The following COX10 variants were observed in gnomAD, a reference collection of about 807,000 sequenced individuals.
COX10 encodes protoheme IX farnesyltransferase, mitochondrial.
A neutral mutation model predicts 37.3 loss-of-function variants in COX10; 27 were observed. The observed-to-expected ratio is 0.72, with a 90% CI of 0.53 to 1.00. The LOEUF (loss-of-function observed/expected upper bound fraction) is 1.00, where lower values mean the gene tolerates loss of function less well. Ranked by LOEUF, COX10 falls within the 50% of genes least tolerant of loss-of-function variation. The probability of loss-of-function intolerance (pLI) is 0.00; values close to 1 mark genes in which losing one functional copy is unlikely to be tolerated. For missense variants in COX10, 475 were observed against 563.2 expected (o/e 0.84, Z 1.59); for synonymous variants, 222 against 229.1 (o/e 0.97, Z 0.28).
At chr17:14,102,305 C>T in intron 4 of COX10, 63 bp downstream of exon 4, 2 of 1,595,090 alleles carry the variant, frequency 1.3e-6, no homozygotes, top group Non-Finnish European at 1.7e-6. Flanking sequence ...GCTGTATTGT[C>T]ATATTTTTAA....
chr17:14,146,153 A>G (rs1904709427), intron 4 of COX10, among the ~76,000 whole-genome samples: 1 of 152,148 alleles, frequency 6.6e-6, no homozygotes, highest in African/African-American at 2.4e-5. Context: ...GACCCAGGAT[A>G]GCCAAAGATG....
rs564664594 is a variant in COX10 at position 14,134,642 on chromosome 17, C to T, written c.625-25235C>T. 8.6e-5 allele frequency among the ~76,000 whole-genome samples: 13 copies of T among 151,808 alleles called. 1 individual carries two copies. In the South Asian group the frequency reaches 2.7e-3, roughly 31 times the overall value. ...AAGAATATGTGTGGTGTAACACACT[C>T]TTGGAGAGGATTTCAAAAGTAATTA... On this transcript the variant is annotated intron_variant, in intron 4 of 6. Transcript: ENST00000261643.
chr17:14,100,599 A>C (rs1381844383), intron 3 of COX10, among the ~76,000 whole-genome samples: 1 of 152,208 alleles, frequency 6.6e-6, no homozygotes, highest in Non-Finnish European at 1.5e-5. Context: ...AAGAGCTTGG[A>C]ATGCTCAAAG....
chr17:14,134,437 A>G (rs1916533309), intron 4 of COX10, among the ~76,000 whole-genome samples: 1 of 151,858 alleles, frequency 6.6e-6, no homozygotes, highest in Non-Finnish European at 1.5e-5. Flanking sequence ...CTGAGTTCTT[A>G]CAAGTATTTT....
At chr17:14,102,881 A>G (rs774569560) in intron 4 of COX10, among the ~76,000 whole-genome samples, 13 of 152,124 alleles carry the variant, frequency 8.5e-5, no homozygotes, top group Non-Finnish European at 1.8e-4. Flanking sequence ...TTTGGCCAAA[A>G]CTTAAGGAAA....
At chr17:14,097,837 A>G (rs1179242869) in intron 3 of COX10, among the ~76,000 whole-genome samples, 1 of 152,160 alleles carries the variant, frequency 6.6e-6, no homozygotes, top group East Asian at 1.9e-4. Context: ...TTAAAGTATA[A>G]TACATCGTCC....
chr17:14,097,234 G>A (rs1050625954), intron 3 of COX10, among the ~76,000 whole-genome samples: 2 of 151,824 alleles, frequency 1.3e-5, no homozygotes, highest in Non-Finnish European at 2.9e-5. Context: ...AATTTTACTC[G>A]TACAATTTAT....
chr17:14,174,112 C>G (rs1419667597), intron 5 of COX10, among the ~76,000 whole-genome samples: 7 of 151,466 alleles, frequency 4.6e-5, no homozygotes, highest in Non-Finnish European at 1.0e-4. Flanking sequence ...ATGAAGAACT[C>G]ATGTACAGAA....
intron 4 of COX10, among the ~76,000 whole-genome samples, chr17:14,122,807 T>TA (rs1916258371): frequency 2.6e-5 from 4 of 152,210 alleles, no homozygotes; most frequent in Non-Finnish European, 4.4e-5. Flanking sequence ...ATTAAATTAA[T>TA]CTTTTATAAT....
chr17:14,186,973 T>A (rs183178166), intron 5 of COX10, among the ~76,000 whole-genome samples: 117 of 121,198 alleles, frequency 9.7e-4, no homozygotes, highest in Admixed American at 2.7e-3. Context: ...AGTAAACTTG[T>A]CTTATTTTAA....
intron 5 of COX10, among the ~76,000 whole-genome samples, chr17:14,176,651 G>A (rs2856136): frequency 0.58 from 87,263 of 151,584 alleles, 25,520 homozygotes; most frequent in East Asian, 0.62. Flanking sequence ...ATGAGTTCAG[G>A]GGATTTTAAA....
chr17:14,069,613 C>T lies in COX10; in HGVS notation c.8C>T (p.Ala3Val). Reference protein sequence around the residue: MAASPHTLSSRLL... With the variant: MAVSPHTLSSRLL... ...GCCCCAGACTCGTAAATTATGGCCG[C>T]ATCTCCGCACACTCTCTCCTCACGC... Residue 3 changes from alanine (A) to valine (V), a missense_variant, in exon 1 of 7, where the codon GCA becomes GTA. Around this residue, in one of 5 missense-constraint regions of COX10, gnomAD observed 242 missense variants for 242.5 expected, o/e 1.00. Transcript: ENST00000261643. 1 of 1,614,114 alleles carries T rather than the reference C, an allele frequency of 6.2e-7. No homozygotes were observed. Among genetic ancestry groups the T allele is most frequent in the Non-Finnish European group, 8.5e-7 (1 of 1,180,014 alleles).
intron 3 of COX10, among the ~76,000 whole-genome samples, chr17:14,084,730 G>C (rs755930030): frequency 1.3e-4 from 19 of 151,958 alleles, no homozygotes; most frequent in Non-Finnish European, 4.4e-5. Flanking sequence ...GCATGATCTC[G>C]GCTCACTGCA....
chr17:14,129,782 A>G (rs1270043062), intron 4 of COX10, among the ~76,000 whole-genome samples: 1 of 152,212 alleles, frequency 6.6e-6, no homozygotes, highest in East Asian at 1.9e-4. Flanking sequence ...GAGCTATGCT[A>G]GAAAAGGATA....
intron 3 of COX10, among the ~76,000 whole-genome samples, chr17:14,084,301 T>C (rs1447635522): frequency 6.6e-6 from 1 of 152,134 alleles, no homozygotes; most frequent in Admixed American, 6.5e-5. Context: ...GTATTATTTT[T>C]AATTATATGA....
intron 5 of COX10, among the ~76,000 whole-genome samples, chr17:14,169,799 T>G (rs1227321360): frequency 6.6e-6 from 1 of 152,238 alleles, no homozygotes; most frequent in Non-Finnish European, 1.5e-5. Flanking sequence ...TTGTTTGTCC[T>G]CACCAAAACT....
At chr17:14,115,617 A>G (rs921454980) in intron 4 of COX10, among the ~76,000 whole-genome samples, 1 of 152,186 alleles carries the variant, frequency 6.6e-6, no homozygotes, top group Non-Finnish European at 1.5e-5. Context: ...TAGCAAAGAT[A>G]TGCAATCAAC....
At chr17:14,114,570 C>G (rs1916070878) in intron 4 of COX10, among the ~76,000 whole-genome samples, 2 of 152,050 alleles carry the variant, frequency 1.3e-5, no homozygotes, top group Non-Finnish European at 1.5e-5. Flanking sequence ...TGTTTTACTA[C>G]AAAGCCTCAA....
chr17:14,074,180 G>T, intron 1 of COX10, 143 bp from the exon 2 acceptor site: 1 of 843,560 alleles, frequency 1.2e-6, no homozygotes, highest in Non-Finnish European at 1.9e-6. Context: ...CACAAATCTG[G>T]ATTAGATTAT....
Sources: allele counts gnomAD v4.1 joint callset (sites outside exome capture counted in the v4.1 genomes callset), GRCh38; gene constraint gnomAD v4.1.1; regional missense constraint gnomAD v4.1.1; transcripts MANE v1.5; gene names NCBI Gene and HGNC (gene_info 2026-07-23, HGNC 2026-07-21).